Variants in FAM3A observed in about 807,000 individuals in gnomAD.
FAM3A encodes protein FAM3A.
A neutral mutation model predicts 18.1 loss-of-function variants in FAM3A; 5 were observed. That is an observed-to-expected ratio of 0.28 (90% CI 0.14 to 0.58). The LOEUF (loss-of-function observed/expected upper bound fraction) is 0.58. Ranked by LOEUF, FAM3A falls within the 20% of genes least tolerant of loss-of-function variation. The pLI is 0.91. For synonymous variants in FAM3A, 108 were observed against 90.2 expected (o/e 1.20, Z -1.12); for missense variants, 154 against 216.6 (o/e 0.71, Z 1.81).
At chrX:154,509,777 CA>C (rs2069768329) in intron 3 of FAM3A, 1 of 112,137 alleles carries the variant, frequency 8.9e-6, no homozygotes. Flanking sequence ...TTCATCCATT[CA>C]TGAGGGCAGA....
chrX:154,508,132 G>A (rs2069659519), intron 5 of FAM3A, among the ~76,000 whole-genome samples, 157 bp downstream of exon 5: 1 of 112,049 alleles, frequency 8.9e-6, no homozygotes, highest in African/African-American at 3.2e-5. Flanking sequence ...TGTTCATTGG[G>A]TCACTCCTCT....
rs1324453425 is a variant in FAM3A at position 154,506,831 on chromosome X, G to A, written c.673C>T (p.Arg225Trp). 7 of 1,211,015 alleles carry A rather than the reference G, an allele frequency of 5.8e-6. No homozygotes were observed. Among genetic ancestry groups the A allele is most frequent in the African/African-American group, 5.2e-5 (3 of 57,912 alleles). The change falls in exon 9 of 9, where the codon CGG (arginine) becomes TGG (tryptophan). Residue 225 changes from arginine (R) to tryptophan (W), a missense_variant. Physicochemically the swap from Arg to Trp is moderately radical, Grantham distance 101. Coordinates refer to ENST00000447601, the MANE Select transcript of FAM3A (RefSeq NM_021806.4). ...EALEMEGCIP[R>W]RSTAS ...CCGTGCTAGCTGGCCGTGCTTCTCC[G>A]CGGGATACAGCCTTCCATCTCCAGC...
In FAM3A at chrX:154,516,106, G is replaced by C; in HGVS notation, c.-334C>G. 2 of 212,496 alleles carry C rather than the reference G, an allele frequency of 9.4e-6. No homozygotes were observed. The allele number at this position is 212,496 out of a possible 1,213,427, so 17.5% of individuals were successfully genotyped here. A position where few individuals can be genotyped will look rare whatever the true frequency, so the allele number is the denominator to read the frequency against. On this transcript the variant is annotated 5_prime_UTR_variant, in exon 1 of 9. Coordinates refer to ENST00000447601, the MANE Select transcript of FAM3A (RefSeq NM_021806.4). ...GGGGCTGGCGATGCGGGCCGGGCCG[G>C]AGATTTCTCTGGCCGTGGGGAGACG...
At chrX:154,508,989 A>C (rs2148296957) in intron 3 of FAM3A, 12 of 233,988 alleles carry the variant, frequency 5.1e-5, no homozygotes, top group East Asian at 1.1e-4. Flanking sequence ...CCCGATTTTG[A>C]TGGGGGTTGG....
chrX:154,513,209 G>A (rs967814268), intron 1 of FAM3A, among the ~76,000 whole-genome samples: 2 of 111,623 alleles, frequency 1.8e-5, no homozygotes, highest in Admixed American at 1.9e-4. Context: ...CTCTCTGCTC[G>A]AGAAGGGCTC....
At chrX:154,508,829 A>T (rs2069712535) in intron 3 of FAM3A, 1 of 498,873 alleles carries the variant, frequency 2.0e-6, no homozygotes, top group Non-Finnish European at 3.7e-6. Flanking sequence ...GAGAAAAGAA[A>T]GGATGCTGAG....
At chrX:154,514,282 C>T (rs986115137) in intron 1 of FAM3A, among the ~76,000 whole-genome samples, 3 of 111,541 alleles carry the variant, frequency 2.7e-5, no homozygotes, top group Non-Finnish European at 5.7e-5. Context: ...TTGCTCTTGC[C>T]CCCCAGGCTG....
intron 3 of FAM3A, chrX:154,510,188 G>A (rs906856499): frequency 6.3e-5 from 7 of 111,338 alleles, no homozygotes; most frequent in African/African-American, 2.3e-4. Flanking sequence ...GCAACATAGT[G>A]AGACCCCGTC....
chrX:154,515,934 G>A lies in FAM3A; in HGVS notation c.-162C>T. On this transcript the variant is annotated 5_prime_UTR_variant, in exon 1 of 9. Transcript: ENST00000447601. ...CCTGTTTGTCCAGCCGCCCGGCCAG[G>A]CAGGGCTCCTCGGAAACGCGCGGGG... The A allele has an allele frequency of 3.9e-6, 2 of 514,480 alleles. No homozygotes were observed. Among genetic ancestry groups the A allele is most frequent in the Middle Eastern group, 5.4e-4 (1 of 1,865 alleles). 42.4% of individuals were successfully genotyped at this position (514,480 alleles called of 1,213,427 possible). A position where few individuals can be genotyped will look rare whatever the true frequency, so the allele number is the denominator to read the frequency against.
intron 3 of FAM3A, 197 bp from the exon 4 acceptor site, chrX:154,508,794 C>A: frequency 1.9e-6 from 1 of 536,931 alleles, no homozygotes; most frequent in Non-Finnish European, 3.3e-6. Context: ...GGACCCAAGA[C>A]AGAAGGATTT....
At chrX:154,512,655 G>T (rs1376700026) in intron 2 of FAM3A, among the ~76,000 whole-genome samples, 168 bp downstream of exon 2, 1 of 111,542 alleles carries the variant, frequency 9.0e-6, no homozygotes, top group African/African-American at 3.3e-5. Flanking sequence ...CTGGGTGTTG[G>T]GGGAGGCTGC....
chrX:154,507,055 C>T, intron 8 of FAM3A, 148 bp downstream of exon 8: 1 of 935,931 alleles, frequency 1.1e-6, no homozygotes, highest in Non-Finnish European at 1.5e-6. Flanking sequence ...CCCAGGGAAA[C>T]ATGGCATCAG....
At position 154,506,849 on chromosome X, in the gene FAM3A, T is replaced by C. The variant is rs782158306; in HGVS notation, c.655A>G (p.Met219Val). ...CTTCTCCGCGGGATACAGCCTTCCA[T>C]CTCCAGCGCCTCGGGCCAGCCTTCG... ...KYEGWPEALEMEGCIPRRSTA... is the reference protein window; with the variant it reads ...KYEGWPEALEVEGCIPRRSTA... The change falls in exon 9 of 9, where the codon ATG becomes GTG. Residue 219 changes from methionine to valine, a missense_variant. By Grantham distance (21) the Met-to-Val change is conservative (BLOSUM62 1). Transcript: ENST00000447601. 3 of 1,211,377 alleles carry C rather than the reference T, an allele frequency of 2.5e-6. No homozygotes were observed. Among genetic ancestry groups the C allele is most frequent in the Non-Finnish European group, 3.4e-6 (3 of 895,076 alleles).
chrX:154,511,661 G>A (rs2069877716), intron 3 of FAM3A, among the ~76,000 whole-genome samples, 187 bp downstream of exon 3: 2 of 112,149 alleles, frequency 1.8e-5, no homozygotes, highest in South Asian at 3.7e-4. Context: ...CTGCCCCACC[G>A]TCATATTCTG....
At chrX:154,514,908 C>T (rs1272702542) in intron 1 of FAM3A, among the ~76,000 whole-genome samples, 3 of 110,288 alleles carry the variant, frequency 2.7e-5, no homozygotes, top group Admixed American at 9.6e-5. Flanking sequence ...TATGCGGTGG[C>T]GCAATCTCGG....
At position 154,512,955 on chromosome X, in the gene FAM3A, CAG is replaced by C; in HGVS notation, c.14-21_14-20del. The C allele has an allele frequency of 9.0e-7, 1 of 1,112,278 alleles. No individual in the cohort carries two copies. The highest frequency in any genetic ancestry group is 1.8e-5 in the South Asian group (1 of 54,319). The allele number at this position is 1,112,278 out of a possible 1,213,427, so 91.7% of individuals were successfully genotyped here. A position where few individuals can be genotyped will look rare whatever the true frequency, so the allele number is the denominator to read the frequency against. ...AGAGGGCCTGGAGGCAGGATAGACACAGGGTGGGGTCACCTCAGATACCAGCG... is the reference window on the plus strand; with the variant it reads ...AGAGGGCCTGGAGGCAGGATAGACACGGTGGGGTCACCTCAGATACCAGCG... On this transcript the variant is annotated intron_variant, in intron 1 of 8. Transcript: ENST00000447601.
chrX:154,515,804 G>A lies in FAM3A; in HGVS notation c.-32C>T. The A allele has an allele frequency of 4.1e-6, 5 of 1,209,608 alleles. No homozygotes were observed. The highest frequency in any genetic ancestry group is 5.6e-6 in the Non-Finnish European group (5 of 893,588). Reference sequence around the variant, plus strand: ...TTCTCCTGCTGGGTTGGGACCGCCGGCAAGTGCACTGTTTGGGGGCAAAGC... The same window carrying A: ...TTCTCCTGCTGGGTTGGGACCGCCGACAAGTGCACTGTTTGGGGGCAAAGC... On this transcript the variant is annotated 5_prime_UTR_variant, in exon 1 of 9. Coordinates refer to ENST00000447601, the MANE Select transcript of FAM3A (RefSeq NM_021806.4).
chrX:154,507,922 G>T, intron 5 of FAM3A, 61 bp from the exon 6 acceptor site: 1 of 1,004,526 alleles, frequency 1.0e-6, no homozygotes, highest in East Asian at 3.3e-5. Flanking sequence ...CACGGCAGGC[G>T]GGTAGCACCG....
At chrX:154,512,257 T>TCAGAAG (rs2069928327) in intron 2 of FAM3A, 1 of 155,897 alleles carries the variant, frequency 6.4e-6, no homozygotes, top group Non-Finnish European at 1.1e-5. Flanking sequence ...ATAATAATAA[T>TCAGAAG]AATAATAATA....
Sources: allele counts gnomAD v4.1 joint callset (sites outside exome capture counted in the v4.1 genomes callset), GRCh38; gene constraint gnomAD v4.1.1; transcripts MANE v1.5; gene names NCBI Gene and HGNC (gene_info 2026-07-23, HGNC 2026-07-21).